The following BRCA1 variants were observed in gnomAD, a reference collection of about 807,000 sequenced individuals.
The protein encoded by BRCA1 is BRCA1 DNA repair associated, also known as breast cancer type 1 susceptibility protein.
BRCA1 carries 140 observed loss-of-function variants against 173.7 expected under a neutral mutation model. That is an observed-to-expected ratio of 0.81 (90% CI 0.70 to 0.93). The LOEUF is 0.93. Among genes scored for constraint, BRCA1 ranks in the 40% least tolerant of loss-of-function variants. BRCA1 has a pLI of 0.00. For synonymous variants in BRCA1, 662 were observed against 756.0 expected (o/e 0.88, Z 2.04); for missense variants, 1,983 against 2,172.5 (o/e 0.91, Z 1.73).
At chr17:43,063,104 G>T (rs967303531) in intron 18 of BRCA1, among the ~76,000 whole-genome samples, 9 of 151,968 alleles carry the variant, frequency 5.9e-5, no homozygotes, top group African/African-American at 2.2e-4. Flanking sequence ...TGGTCAGGCT[G>T]GTCTTGAACT....
At chr17:43,058,167 G>A (rs917307261) in intron 18 of BRCA1, among the ~76,000 whole-genome samples, 2 of 151,964 alleles carry the variant, frequency 1.3e-5, no homozygotes, top group Admixed American at 6.6e-5. Context: ...CCAGGAGCTG[G>A]AGACCCAGCT....
At chr17:43,107,810 C>T (rs557977822) in intron 3 of BRCA1, among the ~76,000 whole-genome samples, 3 of 152,220 alleles carry the variant, frequency 2.0e-5, no homozygotes, top group East Asian at 3.9e-4. Context: ...GGATCATAGA[C>T]CAGAAGTAGA....
At chr17:43,129,181 T>A (rs1241303311), upstream of BRCA1, among the ~76,000 whole-genome samples, 1 of 152,258 alleles carries the variant, frequency 6.6e-6, no homozygotes, top group African/African-American at 2.4e-5. Flanking sequence ...TATCTGACTC[T>A]ACTGGCTGTA....
chr17:43,074,574 AATC>A (rs2052622245), intron 13 of BRCA1, 53 bp from the exon 14 acceptor site: 1 of 1,519,272 alleles, frequency 6.6e-7, no homozygotes, highest in Non-Finnish European at 9.1e-7. Flanking sequence ...TGAAAGGACA[AATC>A]ATACTTGCTG....
In BRCA1 at chr17:43,051,048, C is replaced by G. The variant is rs80358148; in HGVS notation, c.5332+15G>C. 2.2e-5 allele frequency: 35 copies of G among 1,612,494 alleles called. No homozygotes were observed. Among genetic ancestry groups the G allele is most frequent in the Non-Finnish European group, 2.8e-5 (33 of 1,178,668 alleles). ...AGGCTGGTGCTGGAACTCTGGGGTTCTCCCAGGCTCTTACCTGTGGGCATG... is the reference window on the plus strand; with the variant it reads ...AGGCTGGTGCTGGAACTCTGGGGTTGTCCCAGGCTCTTACCTGTGGGCATG... On this transcript the variant is annotated intron_variant, in intron 20 of 22. Transcript: ENST00000357654.
At chr17:43,060,948 A>G (rs1281102166) in intron 18 of BRCA1, among the ~76,000 whole-genome samples, 1 of 152,034 alleles carries the variant, frequency 6.6e-6, no homozygotes, top group South Asian at 2.1e-4. Context: ...CAACGTGGTA[A>G]AACCCCATCT....
rs186594388 is a variant in BRCA1 at position 43,059,516 on chromosome 17, A to C, written c.5194-2381T>G. Among the ~76,000 whole-genome samples, 1 of 127,082 alleles carries C rather than the reference A, an allele frequency of 7.9e-6. No homozygotes were observed. The highest frequency in any genetic ancestry group is 1.7e-5 in the Non-Finnish European group (1 of 59,770). The allele number at this position is 127,082 out of a possible 152,430, so 83.4% of individuals were successfully genotyped here. A position where few individuals can be genotyped will look rare whatever the true frequency, so the allele number is the denominator to read the frequency against. ...ACAACAACAACAACAACAACAACAA[A>C]TTCTCACATCTAAAACAGAGTTCCT... On this transcript the variant is annotated intron_variant, in intron 18 of 22. Transcript: ENST00000357654.
chr17:43,143,306 T>A (rs981576316), intron 1 of BRCA1, among the ~76,000 whole-genome samples: 3 of 151,998 alleles, frequency 2.0e-5, no homozygotes, highest in African/African-American at 7.3e-5. Context: ...TAAAGACACT[T>A]TTCATTCTCA....
chr17:43,156,257 A>G (rs4792981), intron 1 of BRCA1, among the ~76,000 whole-genome samples: 48,047 of 151,802 alleles, frequency 0.32, 7,936 homozygotes, highest in South Asian at 0.49. Context: ...AAAAAAAAAG[A>G]ATCATAAGAA....
In BRCA1 at chr17:43,145,449, C is replaced by G. The variant is rs538345888; in HGVS notation, c.-19-21334G>C. On this transcript the variant is annotated intron_variant, in intron 1 of 7. Transcript: ENST00000634433. ...TCACGCCATTCTCCTGTCTCAGCCT[C>G]CCGTGTAGCTGGGACTACAGGCGCC... 9.9e-5 allele frequency among the ~76,000 whole-genome samples: 15 copies of G among 152,002 alleles called. 1 individual carries two copies. The South Asian group carries it at 1.5e-3, about 15-fold the overall frequency.
At chr17:43,157,249 T>C (rs2056203160) in intron 1 of BRCA1, among the ~76,000 whole-genome samples, 1 of 152,202 alleles carries the variant, frequency 6.6e-6, no homozygotes, top group African/African-American at 2.4e-5. Flanking sequence ...ACCTACCCTA[T>C]AGCTACCACA....
intron 8 of BRCA1, among the ~76,000 whole-genome samples, chr17:43,096,945 C>G (rs1361593382): frequency 6.6e-6 from 1 of 152,048 alleles, no homozygotes; most frequent in Non-Finnish European, 1.5e-5. Context: ...AGGTTTCTTC[C>G]AATACCATGA....
chr17:43,115,173 AC>A (rs1266798725), intron 3 of BRCA1, among the ~76,000 whole-genome samples: 1 of 152,210 alleles, frequency 6.6e-6, no homozygotes, highest in African/African-American at 2.4e-5. Context: ...CACAAAAAAT[AC>A]AAAACACTGT....
Position 43,099,863 on chromosome 17 carries a change from A to G in BRCA1, c.459T>C (p.Ser153=), listed in dbSNP as rs1555594962. The change falls in exon 7 of 23, where the codon AGT becomes AGC. Residue 153 remains serine (S), a synonymous_variant. Transcript: ENST00000357654. ...ENPSLQETSL[S]VQLSNLGTVR... is the part of the protein sequence containing the mutation. ...CAGTTCCAAGGTTAGAGAGTTGGAC[A>G]CTGAGACTGGTTTCCTGCTAAACAG... is the stretch of plus-strand genomic sequence containing the variant. 1 of 1,613,248 alleles carries G rather than the reference A, an allele frequency of 6.2e-7. No individual in the cohort carries two copies.
In BRCA1 at chr17:43,093,614, C is replaced by T. The variant is rs786202103; in HGVS notation, c.1917G>A (p.Leu639=). The change falls in exon 10 of 23, where the codon TTG becomes TTA. Residue 639 remains leucine, a synonymous_variant. Coordinates refer to ENST00000357654, the MANE Select transcript of BRCA1 (RefSeq NM_007294.4). ...RNLSPPNCTE[L]QIDSCSSSEE... ...CACTGCTAGAACAACTATCAATTTGCAATTCAGTACAATTAGGTGGGCTTA... is the reference window on the plus strand; with the variant it reads ...CACTGCTAGAACAACTATCAATTTGTAATTCAGTACAATTAGGTGGGCTTA... 6.2e-7 allele frequency: 1 copy of T among 1,613,998 alleles called. No individual in the cohort carries two copies. Among genetic ancestry groups the T allele is most frequent in the African/African-American group, 1.3e-5 (1 of 75,008 alleles).
At chr17:43,127,619 A>G (rs2055922482), upstream of BRCA1, among the ~76,000 whole-genome samples, 1 of 152,208 alleles carries the variant, frequency 6.6e-6, no homozygotes, top group South Asian at 2.1e-4. Flanking sequence ...GTGTATATCT[A>G]GCTCAGGGAT....
At chr17:43,047,278 G>A (rs2050954296) in intron 22 of BRCA1, among the ~76,000 whole-genome samples, 1 of 151,624 alleles carries the variant, frequency 6.6e-6, no homozygotes, top group Admixed American at 6.6e-5. Context: ...TTTTAAATTT[G>A]TTGTACAGAT....
At chr17:43,069,910 A>T (rs1462434092) in intron 15 of BRCA1, among the ~76,000 whole-genome samples, 1 of 152,148 alleles carries the variant, frequency 6.6e-6, no homozygotes, top group African/African-American at 2.4e-5. Flanking sequence ...ATCTCATCAT[A>T]GTTTTAAAGA....
intron 2 of BRCA1, among the ~76,000 whole-genome samples, chr17:43,122,038 A>G (rs1320698603): frequency 6.6e-6 from 1 of 152,192 alleles, no homozygotes; most frequent in African/African-American, 2.4e-5. Flanking sequence ...TTTTCAATAA[A>G]TTGATAAATT....
Sources: allele counts gnomAD v4.1 joint callset (sites outside exome capture counted in the v4.1 genomes callset), GRCh38; gene constraint gnomAD v4.1.1; transcripts MANE v1.5; gene names NCBI Gene and HGNC (gene_info 2026-07-23, HGNC 2026-07-21).